The following SUGCT variants were observed in gnomAD, a reference collection of about 807,000 sequenced individuals.
The protein encoded by SUGCT is succinyl-CoA:glutarate-CoA transferase, also known as succinyl-CoA:glutarate CoA-transferase.
In SUGCT, 41 loss-of-function variants were observed where a neutral mutation model predicts 55.0. The ratio of observed to expected loss-of-function variants is 0.74; its 90% confidence interval spans 0.58 to 0.97. The LOEUF (loss-of-function observed/expected upper bound fraction) is 0.97, where lower values mean the gene tolerates loss of function less well. Ranked by LOEUF, SUGCT falls within the 50% of genes least tolerant of loss-of-function variation. The pLI is 0.00. For synonymous variants in SUGCT, 187 were observed against 200.4 expected, an observed-to-expected ratio of 0.93 and a Z score of 0.56; for missense variants, 568 against 547.8, an observed-to-expected ratio of 1.04 and a Z score of -0.37.
chr7:40,559,494 A>G (rs910658606), intron 12 of SUGCT, among the ~76,000 whole-genome samples: 1 of 152,360 alleles, frequency 6.6e-6, no homozygotes, highest in Admixed American at 6.5e-5. Flanking sequence ...TACCTGTCCC[A>G]TAGCCTCACA....
chr7:40,749,433 G>T lies in SUGCT; in HGVS notation c.1090-1G>T, dbSNP rs1787896291. On this transcript the variant is annotated splice_acceptor_variant, in intron 12 of 13. Coordinates refer to ENST00000335693, the MANE Select transcript of SUGCT (RefSeq NM_001193313.2). LOFTEE classifies it high-confidence loss of function. ...TTTTCTCTCTGTTTTTGCCTTTTCA[G>T]GTATTACACAATGGCCTCGTTATGG... 2 of 1,613,078 alleles carry T rather than the reference G, an allele frequency of 1.2e-6. No homozygotes were observed. Among genetic ancestry groups the T allele is most frequent in the African/African-American group, 2.7e-5 (2 of 74,998 alleles).
chr7:40,770,839 G>C (rs952923985), intron 13 of SUGCT, among the ~76,000 whole-genome samples: 1 of 152,132 alleles, frequency 6.6e-6, no homozygotes, highest in African/African-American at 2.4e-5. Context: ...CCCACATCCT[G>C]TGAATACCTT....
chr7:40,639,867 C>T (rs190980924), intron 12 of SUGCT, among the ~76,000 whole-genome samples: 14 of 152,166 alleles, frequency 9.2e-5, no homozygotes, highest in African/African-American at 3.1e-4. Flanking sequence ...GGATGTCATT[C>T]AGTTTCTGGT....
chr7:40,625,200 C>T (rs963189598), intron 12 of SUGCT, among the ~76,000 whole-genome samples: 39 of 152,200 alleles, frequency 2.6e-4, no homozygotes, highest in African/African-American at 8.2e-4. Flanking sequence ...TTACCTCCTC[C>T]GGCTGCATTT....
At chr7:40,733,520 A>T (rs557442192) in intron 12 of SUGCT, among the ~76,000 whole-genome samples, 60 of 152,330 alleles carry the variant, frequency 3.9e-4, no homozygotes, top group African/African-American at 1.4e-3. Flanking sequence ...AGTTTATTGA[A>T]TTTTAGGACC....
chr7:40,217,690 A>G (rs1421532259), intron 6 of SUGCT, among the ~76,000 whole-genome samples: 6 of 152,184 alleles, frequency 3.9e-5, no homozygotes, highest in Non-Finnish European at 7.3e-5. Flanking sequence ...GACTGATGGA[A>G]AACCCAAATT....
At chr7:40,737,627 T>A (rs1787232315) in intron 12 of SUGCT, among the ~76,000 whole-genome samples, 1 of 152,170 alleles carries the variant, frequency 6.6e-6, no homozygotes, top group Admixed American at 6.5e-5. Context: ...TTTGAAAACA[T>A]CTGGCATATA....
At chr7:40,784,072 C>T (rs539028887) in intron 13 of SUGCT, among the ~76,000 whole-genome samples, 1 of 152,240 alleles carries the variant, frequency 6.6e-6, no homozygotes, top group South Asian at 2.1e-4. Context: ...CCTTTTACAG[C>T]TTCTGGATCT....
At chr7:40,690,482 G>T (rs1364091285) in intron 12 of SUGCT, among the ~76,000 whole-genome samples, 4 of 151,886 alleles carry the variant, frequency 2.6e-5, no homozygotes, top group Admixed American at 2.6e-4. Flanking sequence ...TGCTTAATAT[G>T]TTAATTATTT....
intron 11 of SUGCT, among the ~76,000 whole-genome samples, chr7:40,495,842 A>T (rs189635486): frequency 6.6e-6 from 1 of 152,276 alleles, no homozygotes; most frequent in Admixed American, 6.5e-5. Flanking sequence ...ATTTTTGTGT[A>T]CTTTTCCCAA....
chr7:40,358,331 A>G (rs1797977394), intron 9 of SUGCT, among the ~76,000 whole-genome samples: 1 of 152,220 alleles, frequency 6.6e-6, no homozygotes, highest in Non-Finnish European at 1.5e-5. Flanking sequence ...TATTTTGCGT[A>G]ACTAAGATGT....
At chr7:40,556,445 T>G (rs1466406846) in intron 12 of SUGCT, among the ~76,000 whole-genome samples, 1 of 152,230 alleles carries the variant, frequency 6.6e-6, no homozygotes, top group Non-Finnish European at 1.5e-5. Flanking sequence ...GCTTTCCTTA[T>G]TCCTTTGACT....
intron 12 of SUGCT, among the ~76,000 whole-genome samples, chr7:40,542,339 G>C (rs1794736912): frequency 6.6e-6 from 1 of 152,100 alleles, no homozygotes; most frequent in African/African-American, 2.4e-5. Context: ...GCAAATCCTA[G>C]AGTCATGAGG....
At position 40,657,149 on chromosome 7, in the gene SUGCT, A is replaced by ATT; in HGVS notation, c.1090-92277_1090-92276dup. Among the ~76,000 whole-genome samples, 5 of 151,630 alleles carry ATT rather than the reference A, an allele frequency of 3.3e-5. No individual in the cohort carries two copies. In the East Asian group the frequency reaches 9.7e-4, roughly 29 times the overall value. On this transcript the variant is annotated intron_variant, in intron 12 of 13. Transcript: ENST00000335693. Reference sequence around the variant, plus strand: ...TTAGGGGTTACATGATTTTAAGGTGATTTTTTTTTCTTTAAAGCTATAAAT... The same window carrying ATT: ...TTAGGGGTTACATGATTTTAAGGTGATTTTTTTTTTTCTTTAAAGCTATAAAT...
At chr7:40,410,376 G>A (rs566262485) in intron 9 of SUGCT, among the ~76,000 whole-genome samples, 1 of 152,120 alleles carries the variant, frequency 6.6e-6, no homozygotes, top group Admixed American at 6.5e-5. Flanking sequence ...AGGCAATAGG[G>A]AGACACTATT....
At chr7:40,333,636 C>CAAA (rs1212001738) in intron 9 of SUGCT, among the ~76,000 whole-genome samples, 28 of 49,940 alleles carry the variant, frequency 5.6e-4, no homozygotes, top group Admixed American at 8.2e-4. Flanking sequence ...GACTCTGTCT[C>CAAA]AAAAAAAAAA....
intron 9 of SUGCT, among the ~76,000 whole-genome samples, chr7:40,338,624 C>T (rs1477572827): frequency 3.3e-5 from 5 of 152,156 alleles, no homozygotes; most frequent in Non-Finnish European, 5.9e-5. Context: ...CTTCTCTACA[C>T]TGGTTATTCT....
chr7:40,925,914 C>T, the SUGCT span, among the ~76,000 whole-genome samples: 1 of 151,894 alleles, frequency 6.6e-6, no homozygotes, highest in East Asian at 1.9e-4. Flanking sequence ...GGCAACATGG[C>T]GAAACTCCAT....
intron 13 of SUGCT, among the ~76,000 whole-genome samples, chr7:40,757,568 A>C (rs1788319700): frequency 6.6e-6 from 1 of 152,176 alleles, no homozygotes; most frequent in African/African-American, 2.4e-5. Context: ...GTAAGTTTTC[A>C]CTACTAGGAA....
Sources: allele counts gnomAD v4.1 joint callset (sites outside exome capture counted in the v4.1 genomes callset), GRCh38; gene constraint gnomAD v4.1.1; transcripts MANE v1.5; gene names NCBI Gene and HGNC (gene_info 2026-07-23, HGNC 2026-07-21).